Variants in MAGI1 observed in about 807,000 individuals in gnomAD.
MAGI1 encodes membrane-associated guanylate kinase, WW and PDZ domain-containing protein 1.
Under a neutral mutation model 139.9 loss-of-function variants are expected in MAGI1, and 58 were observed. The ratio of observed to expected loss-of-function variants is 0.41; its 90% CI spans 0.34 to 0.52. The LOEUF is 0.52. Ranked by LOEUF, MAGI1 falls within the 20% of genes least tolerant of loss-of-function variation. The probability of loss-of-function intolerance (pLI) is 0.12; values close to 1 mark genes in which losing one functional copy is unlikely to be tolerated. For missense variants in MAGI1, 1,874 were observed against 1,901.6 expected, an observed-to-expected ratio of 0.99 and a Z score of 0.27; for synonymous variants, 812 against 737.9, an observed-to-expected ratio of 1.10 and a Z score of -1.63.
chr3:65,638,484 T>A (rs2084775786), intron 1 of MAGI1, among the ~76,000 whole-genome samples: 1 of 151,698 alleles, frequency 6.6e-6, no homozygotes, highest in Admixed American at 6.6e-5. Context: ...CGCTTCTGTT[T>A]GTACTACACT....
At chr3:65,666,991 G>A (rs1185279176) in intron 1 of MAGI1, among the ~76,000 whole-genome samples, 1 of 152,116 alleles carries the variant, frequency 6.6e-6, no homozygotes, top group East Asian at 1.9e-4. Context: ...TTATCCCACT[G>A]GGAAAGATGA....
At chr3:65,370,556 T>C (rs745874343) in intron 18 of MAGI1, among the ~76,000 whole-genome samples, 12 of 152,254 alleles carry the variant, frequency 7.9e-5, no homozygotes, top group Non-Finnish European at 1.3e-4. Flanking sequence ...TAAAATTGCC[T>C]TTATAATGCC....
At chr3:65,771,936 C>T (rs1463115975) in intron 1 of MAGI1, among the ~76,000 whole-genome samples, 1 of 152,158 alleles carries the variant, frequency 6.6e-6, no homozygotes, top group African/African-American at 2.4e-5. Flanking sequence ...GGCGCGGTGG[C>T]TCACGCCTAT....
At chr3:65,547,805 T>C (rs1409949819) in intron 2 of MAGI1, among the ~76,000 whole-genome samples, 1 of 152,192 alleles carries the variant, frequency 6.6e-6, no homozygotes, top group African/African-American at 2.4e-5. Context: ...CTTGCAACTA[T>C]GGTTATTTGC....
intron 1 of MAGI1, among the ~76,000 whole-genome samples, chr3:65,848,870 C>T (rs185402160): frequency 4.3e-4 from 66 of 152,168 alleles, no homozygotes; most frequent in African/African-American, 1.6e-3. Context: ...GCTGTGGACA[C>T]TTCCTGGCTT....
intron 5 of MAGI1, among the ~76,000 whole-genome samples, chr3:65,457,617 G>A (rs912254538): frequency 6.6e-6 from 1 of 152,024 alleles, no homozygotes; most frequent in Admixed American, 6.6e-5. Flanking sequence ...TGGTAACCAA[G>A]TATTCTAGTA....
At chr3:65,873,159 G>A (rs1195957479) in intron 1 of MAGI1, 2 of 152,186 alleles carry the variant, frequency 1.3e-5, no homozygotes, top group African/African-American at 4.8e-5. Flanking sequence ...GCGAGCTTTG[G>A]TGCTGTCCGT....
chr3:65,621,787 G>A (rs2083682773), intron 2 of MAGI1, among the ~76,000 whole-genome samples, 185 bp downstream of exon 2: 1 of 152,062 alleles, frequency 6.6e-6, no homozygotes, highest in East Asian at 1.9e-4. Context: ...GCAGAGCCAT[G>A]ACTGAAACCC....
Position 65,364,901 on chromosome 3 carries a change from G to A in MAGI1, c.3242C>T (p.Thr1081Ile). ...TLLTNAEKIATITTTHTPSQQ... is the reference protein window; with the variant it reads ...TLLTNAEKIAIITTTHTPSQQ... ...AGAAGGGGTGTGTGTGGTGGTGATGGTGGCAATCTTCTCTGCATTGGTCAG... is the reference window on the plus strand; with the variant it reads ...AGAAGGGGTGTGTGTGGTGGTGATGATGGCAATCTTCTCTGCATTGGTCAG... Residue 1081 changes from threonine to isoleucine, a missense_variant, in exon 19 of 23, where the codon ACC (threonine) becomes ATC (isoleucine). Thr to Ile is a moderately conservative substitution (Grantham distance 89). Coordinates refer to ENST00000402939, the MANE Select transcript of MAGI1 (RefSeq NM_001033057.2). The A allele has an allele frequency of 6.2e-7, 1 of 1,613,980 alleles. No individual in the cohort carries two copies. Among genetic ancestry groups the A allele is most frequent in the Non-Finnish European group, 8.5e-7 (1 of 1,179,948 alleles).
chr3:65,428,766 T>C (rs1374811218), intron 12 of MAGI1, among the ~76,000 whole-genome samples: 1 of 151,924 alleles, frequency 6.6e-6, no homozygotes, highest in African/African-American at 2.4e-5. Context: ...GCTAAAAAGG[T>C]GATGATGATC....
At chr3:65,705,750 G>A (rs73832927) in intron 1 of MAGI1, among the ~76,000 whole-genome samples, 5,754 of 152,206 alleles carry the variant, frequency 0.038, 350 homozygotes, top group African/African-American at 0.13. Flanking sequence ...AAATCAAATG[G>A]CTACAAAAGT....
intron 1 of MAGI1, among the ~76,000 whole-genome samples, chr3:65,673,270 A>T (rs1266811614): frequency 6.6e-6 from 1 of 152,206 alleles, no homozygotes; most frequent in Non-Finnish European, 1.5e-5. Flanking sequence ...AATTTCTTCT[A>T]ATGATCTGGA....
intron 2 of MAGI1, among the ~76,000 whole-genome samples, chr3:65,601,792 ACAATAT>A (rs1425053782): frequency 1.3e-5 from 2 of 151,250 alleles, no homozygotes; most frequent in Non-Finnish European, 2.9e-5. Context: ...TGTGCTGAAA[ACAATAT>A]CACCAAGTTA....
intron 1 of MAGI1, among the ~76,000 whole-genome samples, chr3:65,726,956 C>CAAA (rs539578446): frequency 3.9e-5 from 4 of 102,190 alleles, no homozygotes; most frequent in East Asian, 2.7e-4. Flanking sequence ...CTCCAAAATC[C>CAAA]AAAAAAAAAA....
chr3:65,617,835 T>C (rs1258074831), intron 2 of MAGI1, among the ~76,000 whole-genome samples: 2 of 152,226 alleles, frequency 1.3e-5, no homozygotes, highest in African/African-American at 4.8e-5. Flanking sequence ...GTTCAACAAA[T>C]ACTTATCCTA....
intron 1 of MAGI1, among the ~76,000 whole-genome samples, chr3:65,634,900 C>T (rs2084520132): frequency 6.6e-6 from 1 of 152,066 alleles, no homozygotes; most frequent in South Asian, 2.1e-4. Context: ...GATGAGTTAT[C>T]ATGATATCTG....
chr3:65,629,067 C>T (rs2084138571), intron 1 of MAGI1, among the ~76,000 whole-genome samples: 2 of 151,994 alleles, frequency 1.3e-5, no homozygotes, highest in African/African-American at 2.4e-5. Flanking sequence ...TAAGTTGTGT[C>T]GTGTCTCTTT....
At chr3:65,474,962 T>C (rs1390788647) in intron 4 of MAGI1, among the ~76,000 whole-genome samples, 1 of 152,184 alleles carries the variant, frequency 6.6e-6, no homozygotes, top group Non-Finnish European at 1.5e-5. Flanking sequence ...AGCAAAGTGC[T>C]TGCCATATAG....
Position 65,356,346 on chromosome 3 carries a change from A to C in MAGI1, c.*32T>G, listed in dbSNP as rs756374693. On this transcript the variant is annotated 3_prime_UTR_variant, in exon 23 of 23. Transcript: ENST00000402939. ...TGTGACTTTCCTCTTAGAACCTTTG[A>C]CACGGTAAAGGTTGGAATGTGACTC... 97 of 1,520,456 alleles carry C rather than the reference A, an allele frequency of 6.4e-5. No homozygotes were observed. The highest frequency in any genetic ancestry group is 8.1e-5 in the Non-Finnish European group (93 of 1,142,986). The allele number at this position is 1,520,456 out of a possible 1,614,324, so 94.2% of individuals were successfully genotyped here.
Sources: gnomAD v4.1 joint callset for allele counts (sites outside exome capture counted in the v4.1 genomes callset) on GRCh38, gnomAD v4.1.1 for gene constraint, MANE v1.5 for transcripts, NCBI Gene and HGNC (gene_info 2026-07-23, HGNC 2026-07-21) for gene names.